Variants in CHD7 observed in about 807,000 individuals in gnomAD.
The protein encoded by CHD7 is chromodomain helicase DNA binding protein 7.
A neutral mutation model predicts 307.3 loss-of-function variants in CHD7; 24 were observed. The observed-to-expected ratio is 0.08, with a 90% confidence interval of 0.06 to 0.11. The LOEUF (loss-of-function observed/expected upper bound fraction) is 0.11. Ranked by LOEUF, CHD7 falls within the 10% of genes least tolerant of loss-of-function variation. The pLI is 1.00. For missense variants in CHD7, 3,106 were observed against 3,727.1 expected (o/e 0.83, Z 4.34); for synonymous variants, 1,363 against 1,349.9 (o/e 1.01, Z -0.21).
intron 12 of CHD7, among the ~76,000 whole-genome samples, chr8:60,823,190 G>C (rs1412859803): frequency 6.6e-6 from 1 of 152,076 alleles, no homozygotes; most frequent in African/African-American, 2.4e-5. Flanking sequence ...CCCAAGGGAG[G>C]AATTTATGCT....
intron 1 of CHD7, among the ~76,000 whole-genome samples, chr8:60,731,628 A>T (rs991547002): frequency 6.6e-6 from 1 of 152,268 alleles, no homozygotes; most frequent in South Asian, 2.1e-4. Context: ...TCTGTATTTC[A>T]GCCTTAATTC....
Position 60,815,600 on chromosome 8 carries a change from C to T in CHD7, c.2499-787C>T, listed in dbSNP as rs1433188578. On this transcript the variant is annotated intron_variant, in intron 7 of 37. Transcript: ENST00000423902. Reference sequence around the variant, plus strand: ...GTATTCCAGTTCAGGTGAGGGAAGACACCATGCATACTCAGAGGAGGGGAT... The same window carrying T: ...GTATTCCAGTTCAGGTGAGGGAAGATACCATGCATACTCAGAGGAGGGGAT... Among the ~76,000 whole-genome samples the T allele has an allele frequency of 2.6e-5, 4 of 152,110 alleles. No homozygotes were observed. In the East Asian group the frequency reaches 5.8e-4, roughly 22 times the overall value.
At chr8:60,758,313 G>A (rs1378001600) in intron 2 of CHD7, among the ~76,000 whole-genome samples, 4 of 152,046 alleles carry the variant, frequency 2.6e-5, no homozygotes. Flanking sequence ...TTGTGGAGAT[G>A]GGGTTTCACC....
At chr8:60,746,095 G>A (rs62524952) in intron 2 of CHD7, among the ~76,000 whole-genome samples, 2,776 of 152,118 alleles carry the variant, frequency 0.018, 53 homozygotes, top group South Asian at 0.058. Context: ...AGTCAGTGGC[G>A]CAATCTTGGC....
At position 60,778,852 on chromosome 8, in the gene CHD7, ATACT is replaced by A. The variant is rs148667781; in HGVS notation, c.1666-2145_1666-2142del. ...TAAAACAGTTAAATCAGGTCCATTG[ATACT>A]TAGGTAGTGATAATTTGGACAGTGC... On this transcript the variant is annotated intron_variant, in intron 2 of 37. Transcript: ENST00000423902. Among the ~76,000 whole-genome samples the A allele has an allele frequency of 6.8e-3, 1,032 of 152,342 alleles. 5 individuals are homozygous for A. The highest frequency in any genetic ancestry group is 8.2e-3 in the Non-Finnish European group (556 of 68,026).
intron 2 of CHD7, among the ~76,000 whole-genome samples, chr8:60,760,014 T>C (rs963184060): frequency 1.3e-5 from 2 of 152,224 alleles, no homozygotes; most frequent in African/African-American, 4.8e-5. Flanking sequence ...AGCATGCATT[T>C]GGATTGCTGT....
chr8:60,680,833 C>A (rs1430633714), intron 1 of CHD7, among the ~76,000 whole-genome samples: 1 of 152,168 alleles, frequency 6.6e-6, no homozygotes, highest in African/African-American at 2.4e-5. Context: ...TTTTTAGTTT[C>A]CCATTGTATA....
intron 12 of CHD7, 125 bp downstream of exon 12, chr8:60,822,871 A>C: frequency 1.5e-6 from 1 of 687,514 alleles, no homozygotes; most frequent in Non-Finnish European, 2.3e-6. Flanking sequence ...TGCTTTAGAT[A>C]TCTGACTCAA....
Position 60,856,440 on chromosome 8 carries a change from A to G in CHD7, c.7165-5A>G, listed in dbSNP as rs376076407. On this transcript the variant is annotated splice_polypyrimidine_tract_variant and splice_region_variant and intron_variant, in intron 33 of 37. Transcript: ENST00000423902. ...CAACTCTGTTCTGTTGGAATTTTTC[A>G]ATAGGAAGATGCCCTCAACCTCTCT... The G allele has an allele frequency of 1.3e-4, 216 of 1,603,034 alleles. 1 individual carries two copies. The African/African-American group carries it at 2.6e-3, about 20-fold the overall frequency.
At chr8:60,697,570 C>T (rs910454105) in intron 1 of CHD7, among the ~76,000 whole-genome samples, 9 of 152,076 alleles carry the variant, frequency 5.9e-5, no homozygotes, top group African/African-American at 2.2e-4. Context: ...CATTTTATTA[C>T]TGTATTGCAT....
At chr8:60,759,202 A>G (rs1810038984) in intron 2 of CHD7, among the ~76,000 whole-genome samples, 1 of 152,156 alleles carries the variant, frequency 6.6e-6, no homozygotes, top group Non-Finnish European at 1.5e-5. Flanking sequence ...CTAGAAAAAA[A>G]ATCTAACTGT....
intron 35 of CHD7, chr8:60,861,613 G>A (rs908815532): frequency 6.5e-6 from 1 of 154,954 alleles, no homozygotes; most frequent in Non-Finnish European, 1.4e-5. Context: ...ACGTTAGACA[G>A]TTCATATCTC....
chr8:60,800,613 C>T lies in CHD7; in HGVS notation c.2376+88C>T, dbSNP rs1190176348. On this transcript the variant is annotated intron_variant, in intron 5 of 37. Coordinates refer to ENST00000423902, the MANE Select transcript of CHD7 (RefSeq NM_017780.4). ...TGCAATCTGAGAAGTGCAGTGGAAGCATTGGACTTTCAGCAGGGGAACATC... is the reference window on the plus strand; with the variant it reads ...TGCAATCTGAGAAGTGCAGTGGAAGTATTGGACTTTCAGCAGGGGAACATC... The T allele has an allele frequency of 9.9e-6, 13 of 1,314,260 alleles. No individual in the cohort carries two copies. In the Admixed American group the frequency reaches 3.1e-4, roughly 31 times the overall value. 81.4% of individuals were successfully genotyped at this position (1,314,260 alleles called of 1,614,324 possible). A position where few individuals can be genotyped will look rare whatever the true frequency, so the allele number is the denominator to read the frequency against.
Position 60,861,109 on chromosome 8 carries a change from T to C in CHD7, c.7814T>C (p.Met2605Thr), listed in dbSNP as rs760837892. The C allele has an allele frequency of 3.8e-6, 6 of 1,590,032 alleles. No homozygotes were observed. The highest frequency in any genetic ancestry group is 5.1e-6 in the Non-Finnish European group (6 of 1,168,064). ...LKLHPTYTVDMPSYVPKNADV... is the reference protein window; with the variant it reads ...LKLHPTYTVDTPSYVPKNADV... ...CTGCACCCTACTTACACTGTTGATA[T>C]GCCAAGTTATGTACCAGTGAGTATT... The change falls in exon 35 of 38, where the codon ATG (methionine) becomes ACG (threonine). Residue 2605 changes from methionine to threonine, a missense_variant. Coordinates refer to ENST00000423902, the MANE Select transcript of CHD7 (RefSeq NM_017780.4).
intron 24 of CHD7, 129 bp downstream of exon 24, chr8:60,848,733 C>A: frequency 1.3e-6 from 1 of 749,570 alleles, no homozygotes; most frequent in Non-Finnish European, 2.4e-6. Context: ...ATCTTGAATG[C>A]AGTATTTGTC....
intron 1 of CHD7, among the ~76,000 whole-genome samples, chr8:60,700,592 A>G (rs1806712925): frequency 6.6e-6 from 1 of 152,204 alleles, no homozygotes; most frequent in African/African-American, 2.4e-5. Context: ...TTAGGCAGCA[A>G]CCTAAAAGTC....
chr8:60,852,909 C>A lies in CHD7; in HGVS notation c.6184C>A (p.Arg2062=), dbSNP rs886063038. 6.2e-7 allele frequency: 1 copy of A among 1,613,988 alleles called. No individual in the cohort carries two copies. Among genetic ancestry groups the A allele is most frequent in the South Asian group, 1.1e-5 (1 of 91,078 alleles). Residue 2062 remains arginine (R), a synonymous_variant, in exon 31 of 38, where the codon CGG becomes AGG. Transcript: ENST00000423902. ...SRTLYRIELL[R]KIREQVLHHP... ...AACTCTGTACCGCATTGAGCTGCTA[C>A]GGAAGATCCGCGAGCAGGTTCTCCA...
intron 6 of CHD7, among the ~76,000 whole-genome samples, 156 bp downstream of exon 6, chr8:60,801,749 T>C (rs1812326862): frequency 1.3e-5 from 2 of 152,228 alleles, no homozygotes; most frequent in Admixed American, 6.5e-5. Context: ...TATGAATCTT[T>C]GGGATATTTG....
intron 6 of CHD7, among the ~76,000 whole-genome samples, chr8:60,806,980 G>T (rs1467884741): frequency 2.0e-5 from 3 of 152,092 alleles, no homozygotes; most frequent in African/African-American, 7.2e-5. Context: ...AGCCATGTTT[G>T]CACCACTCCA....
Sources: gnomAD v4.1 joint callset for allele counts (sites outside exome capture counted in the v4.1 genomes callset) on GRCh38, gnomAD v4.1.1 for gene constraint, MANE v1.5 for transcripts, NCBI Gene and HGNC (gene_info 2026-07-23, HGNC 2026-07-21) for gene names.